Variants in LRMDA observed in about 807,000 individuals in gnomAD.
LRMDA encodes leucine rich melanocyte differentiation associated, also known as leucine-rich melanocyte differentiation-associated protein.
A neutral mutation model predicts 29.8 loss-of-function variants in LRMDA; 18 were observed. The ratio of observed to expected loss-of-function variants is 0.60; its 90% CI spans 0.42 to 0.90. LRMDA has a LOEUF of 0.90. LRMDA is among the 40% of genes least tolerant of loss of function. The pLI is 0.00. For missense variants in LRMDA, 273 were observed against 273.9 expected (o/e 1.00, Z 0.02); for synonymous variants, 125 against 109.4 (o/e 1.14, Z -0.89).
intron 5 of LRMDA, among the ~76,000 whole-genome samples, chr10:76,262,685 C>G (rs1429934478): frequency 1.3e-5 from 2 of 152,200 alleles, no homozygotes; most frequent in Non-Finnish European, 2.9e-5. Flanking sequence ...TTCTCCTGTA[C>G]AGATTCTTTC....
intron 5 of LRMDA, among the ~76,000 whole-genome samples, chr10:76,209,963 T>C (rs1185513993): frequency 6.6e-6 from 1 of 152,146 alleles, no homozygotes; most frequent in Non-Finnish European, 1.5e-5. Context: ...ATGAATGAAC[T>C]GGGAAAAGGC....
chr10:75,829,344 T>C (rs1450408722), intron 2 of LRMDA, among the ~76,000 whole-genome samples: 1 of 152,142 alleles, frequency 6.6e-6, no homozygotes. Flanking sequence ...GCAGCCTGGA[T>C]CATGGCTGCA....
At chr10:76,335,846 T>C (rs1187898543) in intron 6 of LRMDA, among the ~76,000 whole-genome samples, 1 of 152,172 alleles carries the variant, frequency 6.6e-6, no homozygotes, top group Non-Finnish European at 1.5e-5. Context: ...ATATTTCTTA[T>C]CAGACTTAAG....
At chr10:76,146,196 T>G (rs140539099) in intron 5 of LRMDA, among the ~76,000 whole-genome samples, 5 of 151,972 alleles carry the variant, frequency 3.3e-5, no homozygotes, top group South Asian at 2.1e-4. Flanking sequence ...TTCTGTAGAT[T>G]TCTATTAGGT....
chr10:76,180,204 G>A (rs892920538), intron 5 of LRMDA, among the ~76,000 whole-genome samples: 17 of 151,624 alleles, frequency 1.1e-4, no homozygotes, highest in African/African-American at 4.1e-4. Context: ...ATCAGTCCCA[G>A]GATAGAAAGA....
intron 5 of LRMDA, among the ~76,000 whole-genome samples, chr10:76,274,620 C>G (rs775783243): frequency 1.3e-5 from 2 of 151,970 alleles, no homozygotes; most frequent in Non-Finnish European, 2.9e-5. Context: ...GTAAAGGTTA[C>G]GTATTTTATT....
intron 2 of LRMDA, among the ~76,000 whole-genome samples, chr10:75,581,129 G>A (rs762362850): frequency 2.6e-5 from 4 of 152,112 alleles, no homozygotes; most frequent in Non-Finnish European, 5.9e-5. Flanking sequence ...AGAGTGAACA[G>A]GCAACCTACA....
At chr10:75,910,882 C>G (rs1035491245) in intron 2 of LRMDA, among the ~76,000 whole-genome samples, 3 of 152,150 alleles carry the variant, frequency 2.0e-5, no homozygotes, top group Non-Finnish European at 4.4e-5. Flanking sequence ...GGTTCTCTGT[C>G]TCTTGTTTGG....
At chr10:75,786,727 G>A (rs938844791) in intron 2 of LRMDA, among the ~76,000 whole-genome samples, 2 of 152,102 alleles carry the variant, frequency 1.3e-5, no homozygotes, top group African/African-American at 2.4e-5. Flanking sequence ...TCCAATGCTT[G>A]AACATAGATG....
chr10:75,752,551 C>G (rs1842981653), intron 2 of LRMDA, among the ~76,000 whole-genome samples: 2 of 152,116 alleles, frequency 1.3e-5, no homozygotes, highest in South Asian at 4.1e-4. Flanking sequence ...TTAAAATATT[C>G]AGTAATTAGT....
chr10:75,882,556 A>G (rs190957620), intron 2 of LRMDA: 3 of 152,346 alleles, frequency 2.0e-5, no homozygotes, highest in Non-Finnish European at 4.4e-5. Context: ...TGTCTTTTCT[A>G]TGTAGCATGT....
intron 5 of LRMDA, among the ~76,000 whole-genome samples, chr10:76,095,162 C>T (rs1849294365): frequency 6.6e-6 from 1 of 152,204 alleles, no homozygotes; most frequent in African/African-American, 2.4e-5. Flanking sequence ...CTACCATCCC[C>T]ACTTCCTGGC....
intron 6 of LRMDA, among the ~76,000 whole-genome samples, chr10:76,434,128 G>A (rs1037408818): frequency 6.7e-6 from 1 of 149,782 alleles, no homozygotes; most frequent in Admixed American, 6.7e-5. Flanking sequence ...CTTGGTAACT[G>A]TTGCCTTCTC....
At chr10:75,874,803 A>C (rs1371660298) in intron 2 of LRMDA, among the ~76,000 whole-genome samples, 1 of 152,234 alleles carries the variant, frequency 6.6e-6, no homozygotes, top group Non-Finnish European at 1.5e-5. Flanking sequence ...TATACTAATG[A>C]CAGAGGATAA....
chr10:76,196,619 C>A (rs1471099141), intron 5 of LRMDA, among the ~76,000 whole-genome samples: 1 of 152,184 alleles, frequency 6.6e-6, no homozygotes, highest in African/African-American at 2.4e-5. Flanking sequence ...TGGGCCAGAT[C>A]CCCCCTCCAT....
chr10:75,769,812 A>G (rs1589194364), intron 2 of LRMDA, among the ~76,000 whole-genome samples: 1 of 152,134 alleles, frequency 6.6e-6, no homozygotes, highest in Non-Finnish European at 1.5e-5. Flanking sequence ...GTGAAACCCC[A>G]TCTCTACTAA....
At chr10:76,311,261 C>T (rs1320495261) in intron 5 of LRMDA, among the ~76,000 whole-genome samples, 4 of 152,156 alleles carry the variant, frequency 2.6e-5, no homozygotes, top group African/African-American at 9.7e-5. Context: ...ATGCTCTGTA[C>T]TTTAATCGGA....
Position 76,013,176 on chromosome 10 carries a change from G to A in LRMDA, c.132-22832G>A, listed in dbSNP as rs558432691. Among the ~76,000 whole-genome samples the A allele has an allele frequency of 6.4e-4, 98 of 152,316 alleles. 1 individual carries two copies. Among genetic ancestry groups the A allele is most frequent in the African/African-American group, 2.3e-3 (97 of 41,574 alleles). On this transcript the variant is annotated intron_variant, in intron 2 of 6. Transcript: ENST00000611255. ...CATTTTAATCTGTTGGCTATAAAAA[G>A]GAGTGAGGGGGGTGGTAATGGGACC...
chr10:75,942,750 G>A (rs1306473079), intron 2 of LRMDA, among the ~76,000 whole-genome samples: 1 of 152,110 alleles, frequency 6.6e-6, no homozygotes, highest in East Asian at 1.9e-4. Context: ...TTGGGTTCCT[G>A]GTCTTTGTTT....
Sources: gnomAD v4.1 joint callset for allele counts (sites outside exome capture counted in the v4.1 genomes callset) on GRCh38, gnomAD v4.1.1 for gene constraint, MANE v1.5 for transcripts, NCBI Gene and HGNC (gene_info 2026-07-23, HGNC 2026-07-21) for gene names.